COTL1: variants seen among roughly 807,000 people sequenced by gnomAD.
COTL1 encodes the protein coactosin-like protein.
A neutral mutation model predicts 16.5 loss-of-function variants in COTL1; 15 were observed. That is an observed-to-expected ratio of 0.91 (90% confidence interval 0.61 to 1.40). The LOEUF (loss-of-function observed/expected upper bound fraction) is 1.40, where lower values mean the gene tolerates loss of function less well. Among genes scored for constraint, COTL1 ranks in the 40% most tolerant of loss-of-function variants. The probability of loss-of-function intolerance (pLI) is 0.00; values close to 1 mark genes in which losing one functional copy is unlikely to be tolerated. For synonymous variants in COTL1, 112 were observed against 85.3 expected (o/e 1.31, Z -1.73); for missense variants, 220 against 201.5 (o/e 1.09, Z -0.56).
At chr16:84,617,477 C>A (rs1246214456) in intron 2 of COTL1, 24 bp downstream of exon 2, 2 of 1,546,724 alleles carry the variant, frequency 1.3e-6, no homozygotes, top group Non-Finnish European at 8.7e-7. Context: ...ACCGCGCATC[C>A]GCCCGGCAGG....
chr16:84,617,707 C>G, intron 1 of COTL1, 124 bp from the exon 2 acceptor site: 1 of 1,374,596 alleles, frequency 7.3e-7, no homozygotes, highest in Admixed American at 2.0e-5. Flanking sequence ...GGGCCTGGCA[C>G]GCCGTCCCGG....
chr16:84,615,447 G>T (rs898324681), intron 2 of COTL1, among the ~76,000 whole-genome samples: 2 of 152,194 alleles, frequency 1.3e-5, no homozygotes, highest in African/African-American at 4.8e-5. Context: ...TGATGGGATG[G>T]ATGCTCTTTT....
At chr16:84,567,886 G>A (rs1341913112) in intron 3 of COTL1, 2 of 151,706 alleles carry the variant, frequency 1.3e-5, no homozygotes, top group South Asian at 2.1e-4. Context: ...ATTTCAGAAC[G>A]ATGACGGACA....
chr16:84,615,380 T>C (rs184250113), intron 2 of COTL1, among the ~76,000 whole-genome samples: 20 of 152,268 alleles, frequency 1.3e-4, no homozygotes. Flanking sequence ...AGGAGGGAAG[T>C]GTTCTCCCAC....
In COTL1 at chr16:84,566,843, G is replaced by A. The variant is rs780683584; in HGVS notation, c.*2C>T. ...CAAGGGGTGGTGTGGCGGGGGCTGG[G>A]GTTACTCCGTCTGGGCGTCGTAATT... On this transcript the variant is annotated 3_prime_UTR_variant, in exon 4 of 4. Transcript: ENST00000262428. 1 of 1,604,468 alleles carries A rather than the reference G, an allele frequency of 6.2e-7. No individual in the cohort carries two copies.
intron 2 of COTL1, among the ~76,000 whole-genome samples, chr16:84,597,065 G>A (rs538912768): frequency 1.7e-4 from 26 of 152,336 alleles, no homozygotes; most frequent in African/African-American, 6.0e-4. Context: ...ATCAGATGAG[G>A]GTGCTTCATG....
At chr16:84,593,461 G>A (rs1177587945) in intron 2 of COTL1, among the ~76,000 whole-genome samples, 6 of 151,186 alleles carry the variant, frequency 4.0e-5, no homozygotes, top group East Asian at 1.9e-4. Flanking sequence ...TGTAAAACAC[G>A]TTCTTTTCTT....
At chr16:84,597,797 TC>T (rs577369349) in intron 2 of COTL1, among the ~76,000 whole-genome samples, 2 of 152,032 alleles carry the variant, frequency 1.3e-5, no homozygotes, top group Non-Finnish European at 2.9e-5. Context: ...TCCTGCAGAG[TC>T]CGTGGTTCCT....
chr16:84,570,203 G>A (rs1904318720), intron 3 of COTL1, among the ~76,000 whole-genome samples: 1 of 152,318 alleles, frequency 6.6e-6, no homozygotes, highest in African/African-American at 2.4e-5. Context: ...TTGAACCTGG[G>A]AGGCAGAAAT....
At chr16:84,584,017 C>A (rs1207870800) in intron 3 of COTL1, among the ~76,000 whole-genome samples, 1 of 152,230 alleles carries the variant, frequency 6.6e-6, no homozygotes, top group Non-Finnish European at 1.5e-5. Context: ...CCAAGCATGG[C>A]TCTAAATCAA....
chr16:84,601,416 C>T (rs1410826463), intron 2 of COTL1, among the ~76,000 whole-genome samples: 2 of 152,140 alleles, frequency 1.3e-5, no homozygotes, highest in Admixed American at 6.5e-5. Context: ...GCAGCTGTGA[C>T]CAGGACTGGC....
intron 3 of COTL1, among the ~76,000 whole-genome samples, chr16:84,581,359 C>T (rs567194537): frequency 4.6e-5 from 7 of 152,248 alleles, no homozygotes; most frequent in African/African-American, 9.6e-5. Flanking sequence ...TTGAAGGCAG[C>T]GAACAGTCTG....
intron 2 of COTL1, among the ~76,000 whole-genome samples, chr16:84,617,138 G>A (rs1185852348): frequency 9.2e-5 from 14 of 151,396 alleles, no homozygotes; most frequent in Non-Finnish European, 4.4e-5. Flanking sequence ...TAGCCTGTTC[G>A]TATTTGGGCT....
chr16:84,578,560 C>T (rs573723933), intron 3 of COTL1, among the ~76,000 whole-genome samples: 163 of 152,230 alleles, frequency 1.1e-3, no homozygotes, highest in Middle Eastern at 3.4e-3. Context: ...GGGAACTCAC[C>T]AGGTGGAGGA....
chr16:84,604,087 C>A (rs1905159846), intron 2 of COTL1, among the ~76,000 whole-genome samples: 2 of 135,184 alleles, frequency 1.5e-5, no homozygotes, highest in Admixed American at 7.5e-5. Flanking sequence ...TACTCCCCAA[C>A]CGCCTTCTCA....
At chr16:84,589,764 G>C (rs1904816028) in intron 3 of COTL1, among the ~76,000 whole-genome samples, 1 of 152,052 alleles carries the variant, frequency 6.6e-6, no homozygotes, top group African/African-American at 2.4e-5. Flanking sequence ...CCGACAGTCA[G>C]CCAGGACACC....
chr16:84,593,439 G>C (rs1040874806), intron 2 of COTL1, among the ~76,000 whole-genome samples: 1 of 152,120 alleles, frequency 6.6e-6, no homozygotes, highest in African/African-American at 2.4e-5. Context: ...CATCAGCCTG[G>C]GCTGCCTCAC....
chr16:84,578,086 C>T (rs980498917), intron 3 of COTL1, among the ~76,000 whole-genome samples: 1 of 152,178 alleles, frequency 6.6e-6, no homozygotes, highest in Admixed American at 6.5e-5. Context: ...AATCATGGCA[C>T]TTTCCCCACC....
Position 84,604,923 on chromosome 16 carries a change from C to T in COTL1, c.160+12578G>A, listed in dbSNP as rs180874805. Among the ~76,000 whole-genome samples, 252 of 152,354 alleles carry T rather than the reference C, an allele frequency of 1.7e-3. 2 individuals carry two copies. Among genetic ancestry groups the T allele is most frequent in the Non-Finnish European group, 2.4e-4 (16 of 68,032 alleles). On this transcript the variant is annotated intron_variant, in intron 2 of 3. Coordinates refer to ENST00000262428, the MANE Select transcript of COTL1 (RefSeq NM_021149.5). The stretch of plus-strand genomic sequence containing the variant: ...CCAGAAACGGGGAGAAAAGTGCTTC[C>T]GGGTCAGAGCAGACCTCCAAAGGCG...
Sources: gnomAD v4.1 joint callset for allele counts (sites outside exome capture counted in the v4.1 genomes callset) on GRCh38, gnomAD v4.1.1 for gene constraint, MANE v1.5 for transcripts, NCBI Gene and HGNC (gene_info 2026-07-23, HGNC 2026-07-21) for gene names.